The following TRAK1 variants were observed in gnomAD, a reference collection of about 807,000 sequenced individuals.
TRAK1 encodes the protein trafficking kinesin-binding protein 1.
TRAK1 carries 33 observed loss-of-function variants against 92.1 expected under a neutral mutation model. That is an observed-to-expected ratio of 0.36 (90% confidence interval 0.27 to 0.48). TRAK1 has a LOEUF of 0.48. Ranked by LOEUF, TRAK1 falls within the 20% of genes least tolerant of loss-of-function variation. TRAK1 has a pLI of 0.99. For missense variants in TRAK1, 1,123 were observed against 1,257.9 expected (o/e 0.89, Z 1.62); for synonymous variants, 521 against 517.3 (o/e 1.01, Z -0.10).
chr3:42,113,141 G>A (rs1708686876), intron 1 of TRAK1, among the ~76,000 whole-genome samples: 1 of 152,186 alleles, frequency 6.6e-6, no homozygotes, highest in African/African-American at 2.4e-5. Context: ...AGCACTTTGG[G>A]AGGCTGAGGT....
At chr3:42,141,540 T>C (rs1427646852) in intron 2 of TRAK1, among the ~76,000 whole-genome samples, 1 of 152,114 alleles carries the variant, frequency 6.6e-6, no homozygotes, top group Non-Finnish European at 1.5e-5. Flanking sequence ...CTTAAGACAA[T>C]AGAAATTTAT....
At chr3:42,020,662 G>C (rs1701690484) in intron 1 of TRAK1, among the ~76,000 whole-genome samples, 1 of 152,080 alleles carries the variant, frequency 6.6e-6, no homozygotes, top group Non-Finnish European at 1.5e-5. Flanking sequence ...TGGATCATTG[G>C]GTCATAAGAC....
chr3:42,129,538 AC>A (rs1206209512), intron 2 of TRAK1, among the ~76,000 whole-genome samples: 1 of 152,120 alleles, frequency 6.6e-6, no homozygotes, highest in Non-Finnish European at 1.5e-5. Flanking sequence ...TGGTACAATG[AC>A]CTTTTCAGAG....
chr3:42,185,938 T>A (rs1236061878), intron 4 of TRAK1, among the ~76,000 whole-genome samples: 2 of 149,444 alleles, frequency 1.3e-5, no homozygotes, highest in African/African-American at 4.9e-5. Context: ...CCTCCCAAAG[T>A]GCTGGGATTA....
At chr3:42,141,961 A>G (rs9311298) in intron 2 of TRAK1, among the ~76,000 whole-genome samples, 1 of 151,790 alleles carries the variant, frequency 6.6e-6, no homozygotes, top group Non-Finnish European at 1.5e-5. Flanking sequence ...CATGACGAAA[A>G]CCTGTCTCTA....
intron 13 of TRAK1, among the ~76,000 whole-genome samples, chr3:42,208,901 G>A (rs1430198986): frequency 6.6e-6 from 1 of 152,228 alleles, no homozygotes; most frequent in African/African-American, 2.4e-5. Context: ...TAAAGGTTCT[G>A]TGATGCCCCT....
intron 2 of TRAK1, among the ~76,000 whole-genome samples, chr3:42,142,636 G>A (rs911472399): frequency 6.6e-6 from 1 of 152,174 alleles, no homozygotes; most frequent in Non-Finnish European, 1.5e-5. Flanking sequence ...TTTATAAAAG[G>A]TATTAGTGGC....
chr3:42,107,001 G>A (rs1383479269), intron 1 of TRAK1, among the ~76,000 whole-genome samples: 5 of 152,106 alleles, frequency 3.3e-5, no homozygotes, highest in African/African-American at 1.2e-4. Flanking sequence ...TTCCTAATGT[G>A]GCACTTAACT....
chr3:42,211,340 G>A (rs1334917070), intron 14 of TRAK1: 1 of 985,276 alleles, frequency 1.0e-6, no homozygotes, highest in Non-Finnish European at 1.2e-6. Flanking sequence ...CATGTGATTT[G>A]TTTAGCACAT....
In TRAK1 at chr3:42,105,474, G is replaced by C. The variant is rs190237144; in HGVS notation, c.91+13914G>C. Among the ~76,000 whole-genome samples, 437 of 152,278 alleles carry C rather than the reference G, an allele frequency of 2.9e-3. 2 individuals carry two copies. The highest frequency in any genetic ancestry group is 0.01 in the African/African-American group (426 of 41,552). On this transcript the variant is annotated intron_variant, in intron 1 of 15. Coordinates refer to ENST00000327628, the MANE Select transcript of TRAK1 (RefSeq NM_001042646.3). ...CAAGAAGAGAAGTTTAGGGAAAAAA[G>C]AGTAAAAAGAAACGAACAAAGCCTC...
intron 1 of TRAK1, among the ~76,000 whole-genome samples, chr3:42,097,375 G>A (rs1364405781): frequency 6.6e-6 from 1 of 152,184 alleles, no homozygotes; most frequent in Non-Finnish European, 1.5e-5. Context: ...AGTCATAGAG[G>A]TTGTATATGG....
At chr3:42,212,662 A>G (rs1346422234) in intron 14 of TRAK1, 5 of 652,766 alleles carry the variant, frequency 7.7e-6, no homozygotes, top group African/African-American at 2.0e-5. Flanking sequence ...GATATGTTTT[A>G]TGTTTTAATT....
At chr3:42,192,952 C>G (rs1464805119) in intron 7 of TRAK1, 123 bp from the exon 8 acceptor site, 12 of 1,392,190 alleles carry the variant, frequency 8.6e-6, no homozygotes, top group Admixed American at 2.3e-5. Context: ...GCACCCTCCC[C>G]ACTCTACCCT....
At position 42,057,754 on chromosome 3, in the gene TRAK1, T is replaced by C. The variant is rs138075072; in HGVS notation, c.-518-29350T>C. ...AACTTAGATTCTGGGGTTGGCTCTG[T>C]CTCATTTGCATCTTGGGCAGGCCAC... is the stretch of plus-strand genomic sequence containing the variant. On this transcript the variant is annotated intron_variant, in intron 1 of 16. Coordinates refer to the TRAK1 transcript ENST00000487159. Among the ~76,000 whole-genome samples, 31 of 152,206 alleles carry C rather than the reference T, an allele frequency of 2.0e-4. 1 individual carries two copies. The East Asian group carries it at 5.6e-3, about 28-fold the overall frequency.
At chr3:42,098,674 G>C (rs998140442) in intron 1 of TRAK1, among the ~76,000 whole-genome samples, 6 of 152,088 alleles carry the variant, frequency 3.9e-5, no homozygotes, top group African/African-American at 1.4e-4. Flanking sequence ...GCCCTTTTGA[G>C]GCCTTATCTG....
intron 13 of TRAK1, among the ~76,000 whole-genome samples, chr3:42,206,702 G>A (rs931046321): frequency 2.0e-5 from 3 of 152,186 alleles, no homozygotes; most frequent in African/African-American, 7.2e-5. Flanking sequence ...CCCAAGGCAT[G>A]GGATAAAAAT....
chr3:42,199,897 C>A (rs1707280136), intron 11 of TRAK1, among the ~76,000 whole-genome samples: 1 of 152,214 alleles, frequency 6.6e-6, no homozygotes, highest in African/African-American at 2.4e-5. Flanking sequence ...TTTATCTTTC[C>A]TTTCAGTGGA....
At chr3:42,063,887 G>A (rs1374249436) in intron 1 of TRAK1, among the ~76,000 whole-genome samples, 5 of 152,070 alleles carry the variant, frequency 3.3e-5, no homozygotes, top group Non-Finnish European at 5.9e-5. Context: ...AATAGTTTGC[G>A]GTAGAAGTGA....
chr3:42,152,011 A>T lies in TRAK1; in HGVS notation c.287-24803A>T, dbSNP rs141745331. ...AGTGTTAGCACTGAAAAAGAAATGT[A>T]TATGGATGGGAATATAGATTGCAGG... On this transcript the variant is annotated intron_variant, in intron 2 of 15. Coordinates refer to ENST00000327628, the MANE Select transcript of TRAK1 (RefSeq NM_001042646.3). Among the ~76,000 whole-genome samples the T allele has an allele frequency of 1.2e-3, 189 of 152,360 alleles. 1 individual carries two copies. The South Asian group carries it at 0.015, about 12-fold the overall frequency.
Sources: allele counts gnomAD v4.1 joint callset (sites outside exome capture counted in the v4.1 genomes callset), GRCh38; gene constraint gnomAD v4.1.1; transcripts MANE v1.5; gene names NCBI Gene and HGNC (gene_info 2026-07-23, HGNC 2026-07-21).